COL25A1: variants seen among roughly 807,000 people sequenced by gnomAD.
The protein encoded by COL25A1 is collagen type XXV alpha 1 chain.
COL25A1 carries 103 observed loss-of-function variants against 128.4 expected under a neutral mutation model. That is an observed-to-expected ratio of 0.80 (90% confidence interval 0.68 to 0.94). The LOEUF is 0.94. COL25A1 is among the 40% of genes least tolerant of loss of function. The pLI is 0.00. For missense variants in COL25A1, 745 were observed against 840.0 expected, an observed-to-expected ratio of 0.89 and a Z score of 1.40; for synonymous variants, 279 against 277.2, an observed-to-expected ratio of 1.01 and a Z score of -0.06.
chr4:108,854,989 T>C (rs1736305226), intron 24 of COL25A1, among the ~76,000 whole-genome samples: 1 of 152,162 alleles, frequency 6.6e-6, no homozygotes, highest in Non-Finnish European at 1.5e-5. Flanking sequence ...AATTAACATT[T>C]TTCTGGTCTA....
At chr4:108,970,247 T>C (rs1468221872) in intron 8 of COL25A1, among the ~76,000 whole-genome samples, 1 of 152,130 alleles carries the variant, frequency 6.6e-6, no homozygotes, top group Non-Finnish European at 1.5e-5. Context: ...GCACAGATAG[T>C]CTCAAAATAA....
At chr4:109,011,923 C>T (rs1331788501) in intron 5 of COL25A1, among the ~76,000 whole-genome samples, 1 of 152,256 alleles carries the variant, frequency 6.6e-6, no homozygotes, top group Non-Finnish European at 1.5e-5. Flanking sequence ...GATACGTATA[C>T]AGAAGCCAGT....
chr4:109,118,161 T>A (rs1002049913), intron 3 of COL25A1, among the ~76,000 whole-genome samples: 3 of 151,650 alleles, frequency 2.0e-5, no homozygotes, highest in Non-Finnish European at 3.0e-5. Flanking sequence ...ATACACTTTG[T>A]CTCCAAGAAA....
In COL25A1 at chr4:109,297,773, A is replaced by G. The variant is rs112027087; in HGVS notation, c.367+2810T>C. 3.5e-3 allele frequency among the ~76,000 whole-genome samples: 525 copies of G among 151,582 alleles called. 2 individuals are homozygous for G. The highest frequency in any genetic ancestry group is 0.012 in the African/African-American group (496 of 41,374). On this transcript the variant is annotated intron_variant, in intron 3 of 37. Coordinates refer to ENST00000399132, the MANE Select transcript of COL25A1 (RefSeq NM_198721.4). The stretch of plus-strand genomic sequence containing the variant: ...TAATATACTAAAAAGAATAGTAATT[A>G]CTATTGTCTAATGGATAGCCACTAA...
chr4:109,054,246 A>T (rs981672079), intron 3 of COL25A1, among the ~76,000 whole-genome samples: 1 of 152,240 alleles, frequency 6.6e-6, no homozygotes, highest in Non-Finnish European at 1.5e-5. Context: ...GAGGCAATTT[A>T]ATATACTAAA....
At chr4:108,883,532 C>A (rs1013431932) in intron 19 of COL25A1, among the ~76,000 whole-genome samples, 1 of 152,042 alleles carries the variant, frequency 6.6e-6, no homozygotes, top group Non-Finnish European at 1.5e-5. Flanking sequence ...TGTCAGTTGC[C>A]ATGCAAAAAA....
At chr4:109,161,001 T>G (rs531727611) in intron 3 of COL25A1, among the ~76,000 whole-genome samples, 1 of 152,168 alleles carries the variant, frequency 6.6e-6, no homozygotes, top group South Asian at 2.1e-4. Context: ...ATAGTATAAC[T>G]CTTTTTCTAA....
At chr4:109,029,804 T>C (rs892609491) in intron 5 of COL25A1, among the ~76,000 whole-genome samples, 26 of 152,204 alleles carry the variant, frequency 1.7e-4, no homozygotes, top group Non-Finnish European at 3.4e-4. Context: ...AGAGTACTCA[T>C]ACAAATTTGT....
chr4:109,218,356 G>GGTTTTTT (rs1553961820), intron 3 of COL25A1, among the ~76,000 whole-genome samples: 1 of 100,468 alleles, frequency 1.0e-5, no homozygotes, highest in Non-Finnish European at 1.8e-5. Context: ...GGTTTTTTGG[G>GGTTTTTT]GTTTTTTTTT....
chr4:109,276,909 G>A (rs961817748), intron 3 of COL25A1, among the ~76,000 whole-genome samples: 1 of 152,234 alleles, frequency 6.6e-6, no homozygotes, highest in East Asian at 1.9e-4. Flanking sequence ...CAACCACCAC[G>A]CTTTCCTTAA....
At chr4:109,014,232 G>A (rs1041511438) in intron 5 of COL25A1, among the ~76,000 whole-genome samples, 2 of 152,096 alleles carry the variant, frequency 1.3e-5, no homozygotes, top group Admixed American at 6.5e-5. Context: ...ACTTGAGTCC[G>A]GGGGGCAGAG....
chr4:109,292,604 C>T (rs899442200), intron 3 of COL25A1, among the ~76,000 whole-genome samples: 7 of 151,952 alleles, frequency 4.6e-5, no homozygotes, highest in East Asian at 1.9e-4. Context: ...ACCATGAGAC[C>T]GCTTATCTGG....
chr4:109,275,621 C>T (rs998654994), intron 3 of COL25A1, among the ~76,000 whole-genome samples: 1 of 152,200 alleles, frequency 6.6e-6, no homozygotes, highest in African/African-American at 2.4e-5. Context: ...GAAACAAGTG[C>T]TCTTTAATGC....
Position 108,901,041 on chromosome 4 carries a change from A to T in COL25A1, c.834+78T>A, listed in dbSNP as rs1429645807. The T allele has an allele frequency of 2.6e-6, 3 of 1,165,862 alleles. No homozygotes were observed. In the East Asian group the frequency reaches 7.0e-5, roughly 27 times the overall value. 72.2% of individuals were successfully genotyped at this position (1,165,862 alleles called of 1,614,324 possible). On this transcript the variant is annotated intron_variant, in intron 14 of 37. Transcript: ENST00000399132. ...AAGTGCAACTGGTGAGATTGTTAAA[A>T]ATTGTATTAAATAATAGCTTACAAT...
At chr4:108,867,753 G>T (rs1738107958) in intron 20 of COL25A1, among the ~76,000 whole-genome samples, 1 of 152,102 alleles carries the variant, frequency 6.6e-6, no homozygotes, top group African/African-American at 2.4e-5. Context: ...AATGTAGTTT[G>T]ATGTAATTTT....
chr4:109,209,744 A>C (rs1777340508), intron 3 of COL25A1, among the ~76,000 whole-genome samples: 1 of 152,108 alleles, frequency 6.6e-6, no homozygotes, highest in South Asian at 2.1e-4. Context: ...TTTCATTGGA[A>C]ATACTTGCTC....
chr4:108,987,749 A>C (rs1410745872), intron 6 of COL25A1, among the ~76,000 whole-genome samples: 1 of 152,098 alleles, frequency 6.6e-6, no homozygotes, highest in Non-Finnish European at 1.5e-5. Flanking sequence ...ACAAAAAAAA[A>C]CCATAGACTT....
Position 108,886,442 on chromosome 4 carries a change from TTGTGTGTG to T in COL25A1, c.976-2228_976-2221del, listed in dbSNP as rs375825376. The stretch of plus-strand genomic sequence containing the variant: ...AACTTTCTTAAAGTGCTATGAGATT[TTGTGTGTG>T]TGTGTGTGTGTGTGTGTGTGTGTGT... On this transcript the variant is annotated intron_variant, in intron 18 of 37. Coordinates refer to ENST00000399132, the MANE Select transcript of COL25A1 (RefSeq NM_198721.4). Among the ~76,000 whole-genome samples, 394 of 81,400 alleles carry T rather than the reference TTGTGTGTG, an allele frequency of 4.8e-3. 7 individuals are homozygous for T. Among genetic ancestry groups the T allele is most frequent in the African/African-American group, 0.014 (295 of 21,304 alleles). 53.4% of individuals were successfully genotyped at this position (81,400 alleles called of 152,430 possible).
In COL25A1 at chr4:108,893,223, A is replaced by G. The variant is rs1351144884; in HGVS notation, c.906+3444T>C. On this transcript the variant is annotated intron_variant, in intron 16 of 37. Transcript: ENST00000399132. ...TGGGGGAGAGGGGAGCAAAGAAAAA[A>G]AAACAGGTAATGCTAAGAAAGTGAA... Among the ~76,000 whole-genome samples, 47 of 152,202 alleles carry G rather than the reference A, an allele frequency of 3.1e-4. 1 individual carries two copies. The highest frequency in any genetic ancestry group is 3.0e-3 in the Admixed American group (46 of 15,266).
Sources: allele counts gnomAD v4.1 joint callset (sites outside exome capture counted in the v4.1 genomes callset), GRCh38; gene constraint gnomAD v4.1.1; transcripts MANE v1.5; gene names NCBI Gene and HGNC (gene_info 2026-07-23, HGNC 2026-07-21).